Variants in TNS3 observed in about 807,000 individuals in gnomAD.
TNS3 encodes the protein tensin 3.
Under a neutral mutation model 140.9 loss-of-function variants are expected in TNS3, and 45 were observed. That is an observed-to-expected ratio of 0.32 (90% confidence interval 0.25 to 0.41). The LOEUF is 0.41. Ranked by LOEUF, TNS3 falls within the 10% of genes least tolerant of loss-of-function variation. TNS3 has a pLI of 1.00. For missense variants in TNS3, 1,716 were observed against 1,906.7 expected (o/e 0.90, Z 1.86); for synonymous variants, 815 against 788.4 (o/e 1.03, Z -0.56).
chr7:47,556,057 A>G (rs557186875), intron 1 of TNS3, among the ~76,000 whole-genome samples: 9 of 152,338 alleles, frequency 5.9e-5, no homozygotes, highest in Admixed American at 5.2e-4. Context: ...ACTTGTGTAC[A>G]TATACATTTA....
chr7:47,360,320 G>C (rs560633948), intron 17 of TNS3, among the ~76,000 whole-genome samples: 146 of 152,246 alleles, frequency 9.6e-4, no homozygotes, highest in Admixed American at 1.9e-3. Flanking sequence ...CCCTGGGCAG[G>C]AGTCTCTTTT....
chr7:47,294,878 C>T (rs181066196), intron 24 of TNS3, among the ~76,000 whole-genome samples: 6 of 152,236 alleles, frequency 3.9e-5, no homozygotes, highest in Non-Finnish European at 7.4e-5. Context: ...GGACACCAAG[C>T]GTGGGTCTGG....
intron 2 of TNS3, among the ~76,000 whole-genome samples, chr7:47,517,764 A>G (rs1470626180): frequency 6.6e-6 from 1 of 152,194 alleles, no homozygotes. Context: ...GGTACAGGAA[A>G]GTAACTCCAG....
At chr7:47,367,922 C>A (rs1790802443) in intron 17 of TNS3, among the ~76,000 whole-genome samples, 1 of 152,218 alleles carries the variant, frequency 6.6e-6, no homozygotes, top group Non-Finnish European at 1.5e-5. Flanking sequence ...TCTTCTTCAT[C>A]CCCAACCTTC....
intron 3 of TNS3, among the ~76,000 whole-genome samples, chr7:47,500,818 C>A (rs1458717977): frequency 6.6e-6 from 1 of 152,130 alleles, no homozygotes; most frequent in Non-Finnish European, 1.5e-5. Context: ...CAATGGCTCA[C>A]ACTAGAATCC....
At chr7:47,474,347 T>G (rs887840428) in intron 4 of TNS3, among the ~76,000 whole-genome samples, 3 of 110,258 alleles carry the variant, frequency 2.7e-5, no homozygotes, top group African/African-American at 1.1e-4. Flanking sequence ...ACAAAACACC[T>G]CACAACACAC....
At chr7:47,338,508 C>G (rs1347260720) in intron 20 of TNS3, among the ~76,000 whole-genome samples, 1 of 152,078 alleles carries the variant, frequency 6.6e-6, no homozygotes, top group African/African-American at 2.4e-5. Context: ...TTTCTTTGAA[C>G]CATTTTCTAA....
chr7:47,387,810 T>A (rs1792160024), intron 16 of TNS3, among the ~76,000 whole-genome samples: 1 of 152,140 alleles, frequency 6.6e-6, no homozygotes, highest in Non-Finnish European at 1.5e-5. Context: ...AGGAAGATGG[T>A]GAGGATGACC....
At chr7:47,543,937 G>C (rs1799857666) in intron 1 of TNS3, among the ~76,000 whole-genome samples, 1 of 152,146 alleles carries the variant, frequency 6.6e-6, no homozygotes, top group African/African-American at 2.4e-5. Context: ...GGGGAAACCA[G>C]CATTTGTTTC....
chr7:47,284,035 A>G (rs777496331), intron 27 of TNS3, among the ~76,000 whole-genome samples, 170 bp from the exon 28 acceptor site: 1 of 152,246 alleles, frequency 6.6e-6, no homozygotes, highest in Non-Finnish European at 1.5e-5. Context: ...TTCTGAAAAC[A>G]TGAACAGTGA....
chr7:47,340,929 T>C (rs537733240), intron 20 of TNS3, among the ~76,000 whole-genome samples: 2 of 152,240 alleles, frequency 1.3e-5, no homozygotes, highest in Non-Finnish European at 2.9e-5. Flanking sequence ...TCTATTTTGC[T>C]GGAAGTTTTG....
At chr7:47,374,946 G>T (rs1172444878) in intron 16 of TNS3, among the ~76,000 whole-genome samples, 1 of 152,188 alleles carries the variant, frequency 6.6e-6, no homozygotes, top group Non-Finnish European at 1.5e-5. Context: ...CTCTGTCTCT[G>T]GCACCTGATG....
intron 20 of TNS3, among the ~76,000 whole-genome samples, chr7:47,307,449 C>G (rs1786823718): frequency 6.6e-6 from 1 of 152,144 alleles, no homozygotes; most frequent in Non-Finnish European, 1.5e-5. Flanking sequence ...ACATATAAAG[C>G]TGCAATGAGT....
intron 10 of TNS3, among the ~76,000 whole-genome samples, chr7:47,416,769 T>A (rs1235910757): frequency 1.3e-5 from 2 of 152,226 alleles, no homozygotes; most frequent in East Asian, 3.8e-4. Context: ...ATGAATTGTA[T>A]ATGTTTAATC....
intron 1 of TNS3, among the ~76,000 whole-genome samples, chr7:47,545,770 A>G (rs1336311166): frequency 5.3e-5 from 8 of 152,206 alleles, no homozygotes; most frequent in Non-Finnish European, 1.0e-4. Flanking sequence ...ACTGGACCAC[A>G]TCTGGAACTG....
intron 4 of TNS3, among the ~76,000 whole-genome samples, chr7:47,446,093 A>G (rs1158448921): frequency 6.6e-6 from 1 of 151,798 alleles, no homozygotes; most frequent in African/African-American, 2.4e-5. Context: ...TTGCAAACTC[A>G]CTCTCTAGGT....
Position 47,304,904 on chromosome 7 carries a change from G to A in TNS3, c.2750C>T (p.Thr917Met), listed in dbSNP as rs760674078. Residue 917 changes from threonine (T) to methionine (M), a missense_variant, in exon 21 of 31, where the codon ACG (threonine) becomes ATG (methionine). Around this residue, in one of 3 missense-constraint regions of TNS3, gnomAD observed 1,163 missense variants for 1,182.1 expected, o/e 0.98. Transcript: ENST00000311160. ...STMLRADASS[T>M]PSFQQAFASS... Reference sequence around the variant, plus strand: ...AGCAAAAGCCTGCTGAAAGGAGGGCGTCGAGGACGCATCAGCCCGGAGCAT... The same window carrying A: ...AGCAAAAGCCTGCTGAAAGGAGGGCATCGAGGACGCATCAGCCCGGAGCAT... The A allele has an allele frequency of 8.4e-6, 12 of 1,433,590 alleles. No individual in the cohort carries two copies. Among genetic ancestry groups the A allele is most frequent in the African/African-American group, 2.9e-5 (2 of 68,630 alleles). The allele number at this position is 1,433,590 out of a possible 1,614,324, so 88.8% of individuals were successfully genotyped here.
intron 20 of TNS3, among the ~76,000 whole-genome samples, chr7:47,342,852 C>T (rs1487157163): frequency 6.6e-6 from 1 of 152,224 alleles, no homozygotes; most frequent in Non-Finnish European, 1.5e-5. Context: ...CACAACTCCA[C>T]TTGACTTTGC....
intron 4 of TNS3, among the ~76,000 whole-genome samples, chr7:47,473,106 A>C (rs987504661): frequency 6.6e-6 from 1 of 152,178 alleles, no homozygotes; most frequent in African/African-American, 2.4e-5. Flanking sequence ...TGCCCTGCCA[A>C]TGCCCGAATG....
Sources: allele counts gnomAD v4.1 joint callset (sites outside exome capture counted in the v4.1 genomes callset), GRCh38; gene constraint gnomAD v4.1.1; regional missense constraint gnomAD v4.1.1; transcripts MANE v1.5; gene names NCBI Gene and HGNC (gene_info 2026-07-23, HGNC 2026-07-21).